BPIFB1: variants seen among roughly 807,000 people sequenced by gnomAD.
The protein encoded by BPIFB1 is BPI fold containing family B member 1, also known as BPI fold-containing family B member 1.
Under a neutral mutation model 55.1 loss-of-function variants are expected in BPIFB1, and 34 were observed. The ratio of observed to expected loss-of-function variants is 0.62; its 90% confidence interval spans 0.47 to 0.82. The LOEUF is 0.82. BPIFB1 is among the 40% of genes least tolerant of loss of function. The pLI is 0.00. For synonymous variants in BPIFB1, 236 were observed against 245.3 expected (o/e 0.96, Z 0.35); for missense variants, 532 against 593.1 (o/e 0.90, Z 1.07).
chr20:33,300,989 G>A (rs1328302789), intron 8 of BPIFB1, among the ~76,000 whole-genome samples: 1 of 152,132 alleles, frequency 6.6e-6, no homozygotes, highest in Admixed American at 6.6e-5. Context: ...AGGGTTTGAG[G>A]TGTCTGAGAA....
Position 33,295,580 on chromosome 20 carries a change from GA to G in BPIFB1, c.598-1944del, listed in dbSNP as rs551227314. Among the ~76,000 whole-genome samples the G allele has an allele frequency of 5.3e-5, 8 of 150,716 alleles. No individual in the cohort carries two copies. The East Asian group carries it at 1.6e-3, about 29-fold the overall frequency. On this transcript the variant is annotated intron_variant, in intron 6 of 15. Coordinates refer to ENST00000253354, the MANE Select transcript of BPIFB1 (RefSeq NM_033197.3). ...GGAGGTGGAGGTTGCAGTGAGCCGA[GA>G]TTGCACCACTGCACTCCAGCCTGGG...
In BPIFB1 at chr20:33,288,701, C is replaced by A. The variant is rs561565814; in HGVS notation, c.116-40C>A. The A allele has an allele frequency of 1.4e-5, 22 of 1,599,226 alleles. No individual in the cohort carries two copies. The African/African-American group carries it at 2.4e-4, about 18-fold the overall frequency. ...AGCTCCCACCAAGCCTTCCTTCTTGCCCCTCCTCCTGGGCCCTAATCCCTG... is the reference window on the plus strand; with the variant it reads ...AGCTCCCACCAAGCCTTCCTTCTTGACCCTCCTCCTGGGCCCTAATCCCTG... On this transcript the variant is annotated intron_variant, in intron 2 of 15. Coordinates refer to ENST00000253354, the MANE Select transcript of BPIFB1 (RefSeq NM_033197.3).
At chr20:33,297,282 G>A (rs1980683596) in intron 6 of BPIFB1, among the ~76,000 whole-genome samples, 1 of 152,262 alleles carries the variant, frequency 6.6e-6, no homozygotes, top group South Asian at 2.1e-4. Context: ...CAGAGAGGGA[G>A]GGCTGCTGGC....
chr20:33,300,372 C>T (rs1980807135), intron 8 of BPIFB1, among the ~76,000 whole-genome samples: 2 of 152,196 alleles, frequency 1.3e-5, no homozygotes. Context: ...TGGGCAAGTT[C>T]CTTTACCTCC....
intron 9 of BPIFB1, among the ~76,000 whole-genome samples, 169 bp from the exon 10 acceptor site, chr20:33,302,190 A>AAGCTG (rs939112306): frequency 6.6e-6 from 1 of 152,046 alleles, no homozygotes; most frequent in African/African-American, 2.4e-5. Context: ...TGCCCCATAG[A>AAGCTG]AGCTGACCTA....
intron 12 of BPIFB1, among the ~76,000 whole-genome samples, chr20:33,304,562 C>T (rs1369329872): frequency 3.3e-5 from 5 of 152,178 alleles, no homozygotes; most frequent in South Asian, 2.1e-4. Flanking sequence ...GGAATTGGGG[C>T]GCCCTTTGAA....
intron 15 of BPIFB1, chr20:33,307,628 C>T (rs1321239829): frequency 2.0e-5 from 3 of 152,522 alleles, no homozygotes; most frequent in Non-Finnish European, 2.9e-5. Context: ...AAAGAAATAC[C>T]TGAGGCTGGG....
intron 3 of BPIFB1, among the ~76,000 whole-genome samples, chr20:33,289,603 A>G (rs1303670820): frequency 6.6e-6 from 1 of 152,208 alleles, no homozygotes; most frequent in Non-Finnish European, 1.5e-5. Context: ...TCAAACCTCA[A>G]GGCAAGGAGT....
intron 2 of BPIFB1, among the ~76,000 whole-genome samples, chr20:33,287,209 C>G (rs1453681749): frequency 6.6e-6 from 1 of 152,228 alleles, no homozygotes; most frequent in Non-Finnish European, 1.5e-5. Flanking sequence ...GCTTTAGGCT[C>G]TCCTATAAGG....
intron 6 of BPIFB1, among the ~76,000 whole-genome samples, chr20:33,294,130 T>C (rs1980559989): frequency 6.6e-6 from 1 of 152,200 alleles, no homozygotes; most frequent in South Asian, 2.1e-4. Context: ...TCCATTATTT[T>C]AATAGTCGAA....
chr20:33,295,043 C>T (rs772748919), intron 6 of BPIFB1, among the ~76,000 whole-genome samples: 14 of 150,678 alleles, frequency 9.3e-5, no homozygotes, highest in Non-Finnish European at 1.8e-4. Flanking sequence ...GACGAAACCC[C>T]GTCTCTACTA....
chr20:33,292,441 T>C (rs1295744480), intron 6 of BPIFB1, among the ~76,000 whole-genome samples: 1 of 152,192 alleles, frequency 6.6e-6, no homozygotes, highest in Non-Finnish European at 1.5e-5. Context: ...GAGTAATAGA[T>C]AGTAGTAAAA....
chr20:33,286,525 C>T (rs78199401), intron 2 of BPIFB1, among the ~76,000 whole-genome samples: 6,542 of 152,298 alleles, frequency 0.043, 160 homozygotes, highest in Non-Finnish European at 0.056. Flanking sequence ...CTTAGTTAGA[C>T]CCAGTGTGCT....
At chr20:33,302,194 T>G (rs1980875703) in intron 9 of BPIFB1, among the ~76,000 whole-genome samples, 165 bp from the exon 10 acceptor site, 1 of 152,164 alleles carries the variant, frequency 6.6e-6, no homozygotes. Flanking sequence ...CCATAGAAGC[T>G]GACCTAGGGG....
intron 13 of BPIFB1, among the ~76,000 whole-genome samples, chr20:33,305,757 A>G (rs566587601): frequency 6.6e-6 from 1 of 152,066 alleles, no homozygotes; most frequent in African/African-American, 2.4e-5. Flanking sequence ...GCCCCTGAGG[A>G]TGGGGCATCC....
chr20:33,285,907 C>T (rs1035425720), intron 1 of BPIFB1, 126 bp from the exon 2 acceptor site: 1 of 608,276 alleles, frequency 1.6e-6, no homozygotes, highest in Non-Finnish European at 2.9e-6. Context: ...CCTAAGGCTA[C>T]ACAGCTAGCC....
At chr20:33,293,900 ACT>A (rs1980552848) in intron 6 of BPIFB1, among the ~76,000 whole-genome samples, 1 of 152,250 alleles carries the variant, frequency 6.6e-6, no homozygotes, top group South Asian at 2.1e-4. Flanking sequence ...TATTAAGAGT[ACT>A]TTAAAACAAT....
Position 33,309,666 on chromosome 20 carries a change from GT to G in BPIFB1, c.1396-40del. 3 of 1,600,786 alleles carry G rather than the reference GT, an allele frequency of 1.9e-6. No homozygotes were observed. Among genetic ancestry groups the G allele is most frequent in the Non-Finnish European group, 2.6e-6 (3 of 1,168,028 alleles). On this transcript the variant is annotated intron_variant, in intron 15 of 15. Transcript: ENST00000253354. This position sits in a 1 kb window ranked among gnomAD's most constrained non-coding sequence, Gnocchi z 4.4. ...ACCAGCATAAACCACAAGGCAAAAG[GT>G]TAAAGAAACCTGTTTTCTGACTTTT...
chr20:33,289,543 A>T (rs1980386374), intron 3 of BPIFB1, among the ~76,000 whole-genome samples: 2 of 152,230 alleles, frequency 1.3e-5, no homozygotes, highest in African/African-American at 4.8e-5. Context: ...TAGAAGAATC[A>T]GGCTGGGCAA....
Sources: gnomAD v4.1 joint callset for allele counts (sites outside exome capture counted in the v4.1 genomes callset) on GRCh38, gnomAD v4.1.1 for gene constraint, Gnocchi (gnomAD v3.1) non-coding constraint, MANE v1.5 for transcripts, NCBI Gene and HGNC (gene_info 2026-07-23, HGNC 2026-07-21) for gene names.